Variants in INPP4B observed in about 807,000 individuals in gnomAD.
The protein encoded by INPP4B is inositol polyphosphate 4-phosphatase type II.
In INPP4B, 55 loss-of-function variants were observed where a neutral mutation model predicts 122.5. That is an observed-to-expected ratio of 0.45 (90% CI 0.36 to 0.56). INPP4B has a LOEUF of 0.56. INPP4B is among the 20% of genes least tolerant of loss of function. INPP4B has a pLI of 0.00. For missense variants in INPP4B, 1,000 were observed against 1,097.7 expected (o/e 0.91, Z 1.26); for synonymous variants, 403 against 388.7 (o/e 1.04, Z -0.43).
chr4:142,740,369 A>G (rs1053650644), intron 1 of INPP4B, among the ~76,000 whole-genome samples: 5 of 152,128 alleles, frequency 3.3e-5, no homozygotes, highest in African/African-American at 2.4e-5. Flanking sequence ...CAATATAGAC[A>G]CTAGTAATTC....
intron 2 of INPP4B, among the ~76,000 whole-genome samples, chr4:142,567,457 C>A (rs765709662): frequency 1.3e-5 from 2 of 152,080 alleles, no homozygotes; most frequent in Non-Finnish European, 2.9e-5. Context: ...ATTATCTCCC[C>A]CTTCAGCCTT....
At chr4:142,228,695 A>G (rs543421736) in intron 12 of INPP4B, among the ~76,000 whole-genome samples, 1 of 151,954 alleles carries the variant, frequency 6.6e-6, no homozygotes, top group East Asian at 1.9e-4. Flanking sequence ...GAAAAAATAC[A>G]CATGCAATTT....
intron 1 of INPP4B, among the ~76,000 whole-genome samples, chr4:142,732,616 A>C (rs1459061128): frequency 6.6e-6 from 1 of 151,490 alleles, no homozygotes; most frequent in African/African-American, 2.4e-5. Flanking sequence ...CTCAGAATAA[A>C]ATCTAACAAA....
chr4:142,122,192 T>C lies in INPP4B; in HGVS notation c.2071A>G (p.Lys691Glu). The change falls in exon 21 of 26, where the codon AAA becomes GAA. Residue 691 changes from lysine to glutamate, a missense_variant. By Grantham distance (56) the Lys-to-Glu change is moderately conservative. Transcript: ENST00000262992. Reference sequence around the variant, plus strand: ...GCTTCAATTATTTTAAATGCAACTTTCTTTAAATCGGAAATGCCAACGGCC... The same window carrying C: ...GCTTCAATTATTTTAAATGCAACTTCCTTTAAATCGGAAATGCCAACGGCC... ...DMAVGISDLKKVAFKIIEAKS... is the reference protein window; with the variant it reads ...DMAVGISDLKEVAFKIIEAKS... 6.2e-6 allele frequency: 10 copies of C among 1,612,236 alleles called. No individual in the cohort carries two copies. Among genetic ancestry groups the C allele is most frequent in the Non-Finnish European group, 7.6e-6 (9 of 1,179,106 alleles).
intron 7 of INPP4B, among the ~76,000 whole-genome samples, chr4:142,395,769 ATAT>A (rs1579944879): frequency 6.6e-6 from 1 of 152,206 alleles, no homozygotes; most frequent in South Asian, 2.1e-4. Context: ...AAACTTGAAG[ATAT>A]TATGCTGAGT....
intron 2 of INPP4B, among the ~76,000 whole-genome samples, chr4:142,523,366 T>C (rs1025192741): frequency 6.6e-6 from 1 of 152,064 alleles, no homozygotes; most frequent in African/African-American, 2.4e-5. Context: ...AAGGTGAACA[T>C]GATGTAAGAG....
In INPP4B at chr4:142,697,220, G is replaced by A. The variant is rs777221146; in HGVS notation, c.-191+28619C>T. 6.0e-4 allele frequency among the ~76,000 whole-genome samples: 92 copies of A among 152,154 alleles called. 1 individual carries two copies. Among genetic ancestry groups the A allele is most frequent in the Admixed American group, 1.7e-3 (26 of 15,278 alleles). On this transcript the variant is annotated intron_variant, in intron 2 of 25. Transcript: ENST00000262992. ...TATATGGTTTTGGTGAAAACACATC[G>A]GTAACTGAACATGGGATGAACAACC... is the stretch of plus-strand genomic sequence containing the variant.
At chr4:142,782,873 T>A (rs1215714485) in intron 1 of INPP4B, among the ~76,000 whole-genome samples, 1 of 152,126 alleles carries the variant, frequency 6.6e-6, no homozygotes, top group African/African-American at 2.4e-5. Context: ...TATCTACAAC[T>A]ATTGATCTTT....
intron 1 of INPP4B, among the ~76,000 whole-genome samples, chr4:142,793,195 G>A (rs1180648598): frequency 1.3e-5 from 2 of 152,112 alleles, no homozygotes; most frequent in African/African-American, 4.8e-5. Flanking sequence ...CTGCCCATCA[G>A]AAGTGGAACT....
chr4:142,416,398 T>C (rs1407723029), intron 5 of INPP4B, among the ~76,000 whole-genome samples: 1 of 152,114 alleles, frequency 6.6e-6, no homozygotes, highest in African/African-American at 2.4e-5. Context: ...GAGAATTGCA[T>C]TGTGCAGATG....
At chr4:142,086,717 C>T (rs1199026889) in intron 23 of INPP4B, among the ~76,000 whole-genome samples, 1 of 152,164 alleles carries the variant, frequency 6.6e-6, no homozygotes, top group Non-Finnish European at 1.5e-5. Flanking sequence ...GACAACCATA[C>T]TTATTAATTT....
intron 1 of INPP4B, among the ~76,000 whole-genome samples, chr4:142,775,722 A>G (rs1469922750): frequency 6.6e-6 from 1 of 152,112 alleles, no homozygotes. Flanking sequence ...GTCCATTTAA[A>G]AAATCAGATT....
At chr4:142,397,688 A>C (rs975159218) in intron 7 of INPP4B, among the ~76,000 whole-genome samples, 1 of 151,746 alleles carries the variant, frequency 6.6e-6, no homozygotes, top group African/African-American at 2.4e-5. Context: ...AATACAAAAA[A>C]ATTAGCCGGG....
rs550224563 is a variant in INPP4B at position 142,391,224 on chromosome 4, G to T, written c.372+11714C>A. Among the ~76,000 whole-genome samples, 5 of 152,252 alleles carry T rather than the reference G, an allele frequency of 3.3e-5. No homozygotes were observed. The East Asian group carries it at 9.7e-4, about 29-fold the overall frequency. On this transcript the variant is annotated intron_variant, in intron 7 of 25. Coordinates refer to ENST00000262992, the MANE Select transcript of INPP4B (RefSeq NM_001101669.3). ...GTTACCAGTGCTAGGCACCTAAATT[G>T]CAGAAACAACTGGTATTCAAGAGGA...
intron 2 of INPP4B, among the ~76,000 whole-genome samples, chr4:142,551,586 A>G (rs111834271): frequency 0.012 from 1,802 of 152,334 alleles, 17 homozygotes; most frequent in Non-Finnish European, 0.02. Context: ...AATTTGTGAT[A>G]TACACAAAGG....
At chr4:142,291,970 C>T (rs189418495) in intron 9 of INPP4B, among the ~76,000 whole-genome samples, 15 of 152,192 alleles carry the variant, frequency 9.9e-5, no homozygotes, top group African/African-American at 3.4e-4. Flanking sequence ...TTTTAACATT[C>T]CCTCTCCCTG....
intron 2 of INPP4B, among the ~76,000 whole-genome samples, chr4:142,472,012 G>A (rs1265400076): frequency 6.6e-6 from 1 of 152,018 alleles, no homozygotes; most frequent in African/African-American, 2.4e-5. Flanking sequence ...GGCCTTAGCA[G>A]TACGCTTATT....
chr4:142,584,416 T>G (rs1057294806), intron 2 of INPP4B, among the ~76,000 whole-genome samples: 2 of 152,192 alleles, frequency 1.3e-5, no homozygotes, highest in African/African-American at 4.8e-5. Flanking sequence ...CCCACACACC[T>G]TCTTTCAATT....
chr4:142,082,045 C>A lies in INPP4B; in HGVS notation c.2628G>T (p.Leu876=). The change falls in exon 25 of 26, where the codon CTG becomes CTT. Residue 876 remains leucine (L), a synonymous_variant. Transcript: ENST00000262992. ...QLHKDFFIRA[L]DCMRREGCRI... is the part of the protein sequence containing the mutation. ...ATGTGAGATACCTTCTCATGCAATC[C>A]AGCGCTCGGATAAAGAAGTCCTTGT... 1 of 1,460,832 alleles carries A rather than the reference C, an allele frequency of 6.8e-7. No homozygotes were observed. The highest frequency in any genetic ancestry group is 9.2e-7 in the Non-Finnish European group (1 of 1,082,294). 90.5% of individuals were successfully genotyped at this position (1,460,832 alleles called of 1,614,324 possible).
Sources: gnomAD v4.1 joint callset for allele counts (sites outside exome capture counted in the v4.1 genomes callset) on GRCh38, gnomAD v4.1.1 for gene constraint, MANE v1.5 for transcripts, NCBI Gene and HGNC (gene_info 2026-07-23, HGNC 2026-07-21) for gene names.